The following CHIC1 variants were observed in gnomAD, a reference collection of about 807,000 sequenced individuals.
CHIC1 encodes the protein cysteine rich hydrophobic domain 1, also known as cysteine-rich hydrophobic domain-containing protein 1.
Under a neutral mutation model 18.5 loss-of-function variants are expected in CHIC1, and 7 were observed. The ratio of observed to expected loss-of-function variants is 0.38; its 90% CI spans 0.22 to 0.71. CHIC1 has a LOEUF of 0.71. Among genes scored for constraint, CHIC1 ranks in the 30% least tolerant of loss-of-function variants. CHIC1 has a pLI of 0.49. For missense variants in CHIC1, 159 were observed against 176.9 expected, an observed-to-expected ratio of 0.90 and a Z score of 0.57; for synonymous variants, 77 against 73.5, an observed-to-expected ratio of 1.05 and a Z score of -0.25.
At chrX:73,563,933 A>G (rs1045072528) in intron 1 of CHIC1, among the ~76,000 whole-genome samples, 1 of 111,757 alleles carries the variant, frequency 8.9e-6, no homozygotes, top group African/African-American at 3.3e-5. Context: ...TTTGCTGACA[A>G]GATTGATACT....
At position 73,610,132 on chromosome X, in the gene CHIC1, CTGTT is replaced by C. The variant is rs1174178631; in HGVS notation, c.507+25565_507+25568del. On this transcript the variant is annotated intron_variant, in intron 3 of 5. Coordinates refer to ENST00000373502, the MANE Select transcript of CHIC1 (RefSeq NM_001039840.4). ...GCTCCCACATGAGTGAGAACCTGCA[CTGTT>C]TGTTATTCCATGCCTAGCTTATTTA... Among the ~76,000 whole-genome samples, 4 of 109,330 alleles carry C rather than the reference CTGTT, an allele frequency of 3.7e-5. 1 individual carries two copies. The highest frequency in any genetic ancestry group is 1.4e-4 in the African/African-American group (4 of 28,180). The allele number at this position is 109,330 out of a possible 115,157, so 94.9% of individuals were successfully genotyped here. A position where few individuals can be genotyped will look rare whatever the true frequency, so the allele number is the denominator to read the frequency against.
Position 73,584,573 on chromosome X carries a change from G to A in CHIC1, c.507+1G>A. The A allele has an allele frequency of 2.7e-6, 3 of 1,130,567 alleles. No individual in the cohort carries two copies. The highest frequency in any genetic ancestry group is 3.5e-6 in the Non-Finnish European group (3 of 845,902). The allele number at this position is 1,130,567 out of a possible 1,213,427, so 93.2% of individuals were successfully genotyped here. Reference sequence around the variant, plus strand: ...GCCTGTTATTTGTCTCAACAAAAGAGTGAGTAACTGTTTTATTGTATAATA... The same window carrying A: ...GCCTGTTATTTGTCTCAACAAAAGAATGAGTAACTGTTTTATTGTATAATA... On this transcript the variant is annotated splice_donor_variant, in intron 3 of 5. Coordinates refer to ENST00000373502, the MANE Select transcript of CHIC1 (RefSeq NM_001039840.4). LOFTEE classifies it high-confidence loss of function.
chrX:73,577,591 G>A, intron 2 of CHIC1, 130 bp downstream of exon 2: 1 of 448,898 alleles, frequency 2.2e-6, no homozygotes, highest in Admixed American at 3.4e-5. Context: ...GTTGGAAGCT[G>A]TGTTTATAGT....
intron 3 of CHIC1, among the ~76,000 whole-genome samples, chrX:73,676,377 C>T (rs1028148410): frequency 8.0e-5 from 9 of 112,101 alleles, no homozygotes; most frequent in African/African-American, 2.3e-4. Context: ...ACCAATCAGA[C>T]GTAGATTTGG....
At chrX:73,672,837 G>A (rs1321491636) in intron 3 of CHIC1, among the ~76,000 whole-genome samples, 2 of 111,567 alleles carry the variant, frequency 1.8e-5, no homozygotes, top group Admixed American at 9.5e-5. Flanking sequence ...TGAAGTCCTT[G>A]CCCATGCCTA....
intron 3 of CHIC1, among the ~76,000 whole-genome samples, chrX:73,631,598 C>T (rs749881616): frequency 9.1e-6 from 1 of 109,807 alleles, no homozygotes; most frequent in South Asian, 3.9e-4. Flanking sequence ...GCAGACTGCA[C>T]TCCAGCCTGA....
At chrX:73,595,180 C>CT (rs368494697) in intron 3 of CHIC1, among the ~76,000 whole-genome samples, 1,177 of 110,830 alleles carry the variant, frequency 0.011, 5 homozygotes, top group African/African-American at 0.031. Flanking sequence ...AAAATCTTCC[C>CT]TTTTTTTATT....
Position 73,682,559 on chromosome X carries a change from C to G in CHIC1, c.*1554C>G, listed in dbSNP as rs769072146. ...GAAGGTCAAGCCTTTTTAAGCCACT[C>G]TTAAAATTTATGCCTAATTTGAAAT... is the stretch of plus-strand genomic sequence containing the variant. On this transcript the variant is annotated 3_prime_UTR_variant, in exon 6 of 6. Coordinates refer to ENST00000373502, the MANE Select transcript of CHIC1 (RefSeq NM_001039840.4). 6.3e-5 allele frequency: 7 copies of G among 111,763 alleles called. No individual in the cohort carries two copies. Among genetic ancestry groups the G allele is most frequent in the Admixed American group, 1.9e-4 (2 of 10,477 alleles). 9.2% of individuals were successfully genotyped at this position (111,763 alleles called of 1,213,427 possible).
chrX:73,607,849 C>T (rs1485718069), intron 3 of CHIC1, among the ~76,000 whole-genome samples: 1 of 107,632 alleles, frequency 9.3e-6, no homozygotes, highest in Non-Finnish European at 1.9e-5. Flanking sequence ...TGAGATGAGC[C>T]GGGTACTTTA....
At chrX:73,661,942 G>A (rs1293064744) in intron 3 of CHIC1, among the ~76,000 whole-genome samples, 2 of 110,609 alleles carry the variant, frequency 1.8e-5, no homozygotes, top group East Asian at 5.7e-4. Flanking sequence ...TATGCTAGAT[G>A]ATGAGTTAGT....
intron 3 of CHIC1, among the ~76,000 whole-genome samples, chrX:73,660,532 G>A (rs2057974777): frequency 1.8e-5 from 2 of 112,057 alleles, no homozygotes; most frequent in African/African-American, 6.5e-5. Flanking sequence ...AGAGAGCATA[G>A]CAAGGAACAG....
intron 3 of CHIC1, among the ~76,000 whole-genome samples, chrX:73,675,017 T>C (rs1354766264): frequency 1.8e-5 from 2 of 112,121 alleles, no homozygotes; most frequent in African/African-American, 3.2e-5. Context: ...AGGAGCAGGT[T>C]GTTCAGTTTC....
chrX:73,609,195 T>G lies in CHIC1; in HGVS notation c.507+24623T>G, dbSNP rs1455234971. 2.8e-5 allele frequency among the ~76,000 whole-genome samples: 3 copies of G among 107,875 alleles called. 1 individual carries two copies. Among genetic ancestry groups the G allele is most frequent in the Non-Finnish European group, 5.7e-5 (3 of 52,973 alleles). The allele number at this position is 107,875 out of a possible 115,157, so 93.7% of individuals were successfully genotyped here. ...AAGTTTAGATGCTTTTTATTAATTT[T>G]TTCTTGCCTAATTGTCCTGGTGAGA... On this transcript the variant is annotated intron_variant, in intron 3 of 5. Transcript: ENST00000373502.
chrX:73,662,789 T>C (rs773248459), intron 3 of CHIC1, among the ~76,000 whole-genome samples: 2 of 111,098 alleles, frequency 1.8e-5, no homozygotes, highest in South Asian at 7.7e-4. Flanking sequence ...CTTAACTGTA[T>C]TCTTTACAAC....
chrX:73,634,816 C>G (rs900520804), intron 3 of CHIC1, among the ~76,000 whole-genome samples: 2 of 111,393 alleles, frequency 1.8e-5, no homozygotes, highest in Non-Finnish European at 3.8e-5. Context: ...AAAATGTTAA[C>G]TAACTTTTCT....
At chrX:73,660,117 A>G (rs764628044) in intron 3 of CHIC1, among the ~76,000 whole-genome samples, 1 of 112,408 alleles carries the variant, frequency 8.9e-6, no homozygotes, top group South Asian at 3.8e-4. Flanking sequence ...TGCTGGGGAA[A>G]GTAGCATTGG....
Position 73,681,210 on chromosome X carries a change from A to G in CHIC1, c.*205A>G. 1 of 370,699 alleles carries G rather than the reference A, an allele frequency of 2.7e-6. No individual in the cohort carries two copies. Among genetic ancestry groups the G allele is most frequent in the South Asian group, 5.3e-5 (1 of 18,961 alleles). 30.5% of individuals were successfully genotyped at this position (370,699 alleles called of 1,213,427 possible). On this transcript the variant is annotated 3_prime_UTR_variant, in exon 6 of 6. Coordinates refer to ENST00000373502, the MANE Select transcript of CHIC1 (RefSeq NM_001039840.4). ...ATGAGGCTTGTGTTTTGCACTCTCA[A>G]TTTTAAATACACACACATGCGTGTG...
chrX:73,577,465 A>G lies in CHIC1; in HGVS notation c.351+4A>G. ...TCCCTCCGTTCTAACAGGGAAGGTA[A>G]GTGAGAATTTGCTTTGAACTTTTCA... On this transcript the variant is annotated splice_donor_region_variant and intron_variant, in intron 2 of 5. Coordinates refer to ENST00000373502, the MANE Select transcript of CHIC1 (RefSeq NM_001039840.4). 8.5e-7 allele frequency: 1 copy of G among 1,179,680 alleles called. No individual in the cohort carries two copies. Among genetic ancestry groups the G allele is most frequent in the Non-Finnish European group, 1.2e-6 (1 of 868,094 alleles).
intron 3 of CHIC1, among the ~76,000 whole-genome samples, chrX:73,650,918 A>G (rs2057913261): frequency 8.9e-6 from 1 of 111,738 alleles, no homozygotes. Flanking sequence ...TTCCTGATGA[A>G]CATCAATGCA....
Sources: gnomAD v4.1 joint callset for allele counts (sites outside exome capture counted in the v4.1 genomes callset) on GRCh38, gnomAD v4.1.1 for gene constraint, MANE v1.5 for transcripts, NCBI Gene and HGNC (gene_info 2026-07-23, HGNC 2026-07-21) for gene names.